NDUFC1: variants seen among roughly 807,000 people sequenced by gnomAD.
NDUFC1 encodes NADH dehydrogenase [ubiquinone] 1 subunit C1, mitochondrial.
A neutral mutation model predicts 11.6 loss-of-function variants in NDUFC1; 11 were observed. That is an observed-to-expected ratio of 0.95 (90% CI 0.60 to 1.58). The LOEUF is 1.58. NDUFC1 is among the 40% of genes most tolerant of loss of function. The pLI is 0.00. For missense variants in NDUFC1, 112 were observed against 93.0 expected, an observed-to-expected ratio of 1.20 and a Z score of -0.84; for synonymous variants, 52 against 42.2, an observed-to-expected ratio of 1.23 and a Z score of -0.90.
chr4:139,294,922 C>A, intron 4 of NDUFC1, 121 bp downstream of exon 4: 1 of 660,512 alleles, frequency 1.5e-6, no homozygotes, highest in Non-Finnish European at 2.7e-6. Context: ...TATAAATATC[C>A]TACTGTTATG....
chr4:139,295,699 G>A, intron 3 of NDUFC1, 33 bp downstream of exon 3: 1 of 1,531,008 alleles, frequency 6.5e-7, no homozygotes, highest in Non-Finnish European at 8.8e-7. Flanking sequence ...GTAATCTGAG[G>A]GTCGAGTCGG....
chr4:139,298,422 G>A (rs1178381431), intron 1 of NDUFC1, among the ~76,000 whole-genome samples: 8 of 135,714 alleles, frequency 5.9e-5, no homozygotes, highest in African/African-American at 2.2e-4. Flanking sequence ...TGGGCGACAA[G>A]AGCGAAACTC....
intron 1 of NDUFC1, chr4:139,301,331 C>A (rs1745718469): frequency 7.5e-6 from 3 of 401,730 alleles, no homozygotes; most frequent in South Asian, 9.6e-5. Flanking sequence ...GAGGGTACCA[C>A]GCACTGAAAT....
chr4:139,291,436 G>A (rs1181795018), intron 5 of NDUFC1, among the ~76,000 whole-genome samples: 4 of 151,972 alleles, frequency 2.6e-5, no homozygotes, highest in African/African-American at 7.2e-5. Context: ...TTAGCTGGGC[G>A]TGGTAGCGCG....
At chr4:139,295,522 G>A (rs1745424560) in intron 3 of NDUFC1, among the ~76,000 whole-genome samples, 1 of 152,248 alleles carries the variant, frequency 6.6e-6, no homozygotes, top group African/African-American at 2.4e-5. Flanking sequence ...AGAGTGGTCA[G>A]GTTGAACTTG....
chr4:139,301,757 G>A, intron 1 of NDUFC1: 2 of 1,559,846 alleles, frequency 1.3e-6, no homozygotes, highest in South Asian at 2.3e-5. Context: ...GGTGGCGGGA[G>A]CAGCGGGAGC....
Position 139,295,978 on chromosome 4 carries a change from G to T in NDUFC1, c.-162-18C>A. The T allele has an allele frequency of 1.8e-6, 1 of 567,196 alleles. No individual in the cohort carries two copies. Among genetic ancestry groups the T allele is most frequent in the Non-Finnish European group, 3.0e-6 (1 of 331,198 alleles). 35.1% of individuals were successfully genotyped at this position (567,196 alleles called of 1,614,324 possible). On this transcript the variant is annotated intron_variant, in intron 2 of 5. Coordinates refer to ENST00000394223, the MANE Select transcript of NDUFC1 (RefSeq NM_001184989.2). The stretch of plus-strand genomic sequence containing the variant: ...CCTTCTGTCTATACAGTGGAATTAG[G>T]AAGAAAATAATTAAAAGAAAAAAGA...
In NDUFC1 at chr4:139,295,853, G is replaced by T; in HGVS notation, c.-55C>A. 1 of 1,525,534 alleles carries T rather than the reference G, an allele frequency of 6.6e-7. No individual in the cohort carries two copies. The allele number at this position is 1,525,534 out of a possible 1,614,324, so 94.5% of individuals were successfully genotyped here. ...TTGGCAACAGAACCAGCGCCACCTG[G>T]CGGCCGGAAGTGCGGGACTCGAGGG... On this transcript the variant is annotated 5_prime_UTR_variant, in exon 3 of 6. Transcript: ENST00000394223.
At chr4:139,294,249 T>A (rs1219801145) in intron 4 of NDUFC1, among the ~76,000 whole-genome samples, 1 of 151,852 alleles carries the variant, frequency 6.6e-6, no homozygotes, top group South Asian at 2.1e-4. Flanking sequence ...GGCCTGAAAA[T>A]TTTTTTAAAA....
intron 4 of NDUFC1, among the ~76,000 whole-genome samples, chr4:139,293,986 G>T (rs1745346900): frequency 7.7e-6 from 1 of 130,006 alleles, no homozygotes; most frequent in Non-Finnish European, 1.5e-5. Flanking sequence ...GTATCTCCCA[G>T]GCTGGAGTGC....
In NDUFC1 at chr4:139,295,837, G is replaced by A. The variant is rs978617686; in HGVS notation, c.-39C>T. The A allele has an allele frequency of 6.5e-7, 1 of 1,536,418 alleles. No homozygotes were observed. Among genetic ancestry groups the A allele is most frequent in the Non-Finnish European group, 8.8e-7 (1 of 1,140,910 alleles). On this transcript the variant is annotated 5_prime_UTR_variant, in exon 3 of 6. Transcript: ENST00000394223. ...GCTCAGTCTCTCCGAGTTGGCAACA[G>A]AACCAGCGCCACCTGGCGGCCGGAA...
At chr4:139,292,685 G>GA in intron 4 of NDUFC1, 76 bp from the exon 5 acceptor site, 1 of 937,222 alleles carries the variant, frequency 1.1e-6, no homozygotes, top group East Asian at 2.8e-5. Flanking sequence ...AATAAGGATA[G>GA]AAAAAATAAA....
chr4:139,293,733 A>G (rs538447011), intron 4 of NDUFC1, among the ~76,000 whole-genome samples: 71 of 152,152 alleles, frequency 4.7e-4, no homozygotes, highest in Non-Finnish European at 9.3e-4. Flanking sequence ...TTAACTTTAA[A>G]AAGAAATTTT....
chr4:139,295,480 G>C lies in NDUFC1; in HGVS notation c.67+252C>G, dbSNP rs573836823. ...GGACCTAACGTACAGAGGTGGGGAA[G>C]GCAAGGACCCAAAGTCCATTTACAA... On this transcript the variant is annotated intron_variant, in intron 3 of 5. Transcript: ENST00000394223. Among the ~76,000 whole-genome samples, 35 of 152,334 alleles carry C rather than the reference G, an allele frequency of 2.3e-4. No individual in the cohort carries two copies. In the South Asian group the frequency reaches 7.2e-3, roughly 32 times the overall value.
At chr4:139,296,225 A>G (rs1389505042) in intron 2 of NDUFC1, 1 of 167,574 alleles carries the variant, frequency 6.0e-6, no homozygotes, top group Admixed American at 6.4e-5. Flanking sequence ...AGCACATATC[A>G]TGCCGTGGTT....
chr4:139,290,727 A>G (rs1038069737), intron 5 of NDUFC1, among the ~76,000 whole-genome samples: 3 of 151,956 alleles, frequency 2.0e-5, no homozygotes, highest in Non-Finnish European at 4.4e-5. Context: ...ATATATATAT[A>G]TATATATGTA....
At chr4:139,301,594 G>A in intron 1 of NDUFC1, 1 of 654,810 alleles carries the variant, frequency 1.5e-6, no homozygotes, top group East Asian at 3.0e-5. Context: ...AGTGAGAAAG[G>A]AAAAAAGACA....
chr4:139,302,204 C>G (rs1337326117), intron 1 of NDUFC1: 1 of 229,210 alleles, frequency 4.4e-6, no homozygotes, highest in East Asian at 9.1e-5. Context: ...ACCCTGCTGG[C>G]AGGTCGGGGT....
intron 4 of NDUFC1, among the ~76,000 whole-genome samples, chr4:139,293,060 T>C (rs1169929506): frequency 6.6e-6 from 1 of 152,054 alleles, no homozygotes; most frequent in Non-Finnish European, 1.5e-5. Flanking sequence ...GCTCAGGTGA[T>C]CCACCCGCCT....
Sources: allele counts gnomAD v4.1 joint callset (sites outside exome capture counted in the v4.1 genomes callset), GRCh38; gene constraint gnomAD v4.1.1; transcripts MANE v1.5; gene names NCBI Gene and HGNC (gene_info 2026-07-23, HGNC 2026-07-21).